MAPK8: variants seen among roughly 807,000 people sequenced by gnomAD.
MAPK8 encodes mitogen-activated protein kinase 8.
MAPK8 carries 13 observed loss-of-function variants against 52.9 expected under a neutral mutation model. That is an observed-to-expected ratio of 0.25 (90% confidence interval 0.16 to 0.39). The LOEUF (loss-of-function observed/expected upper bound fraction) is 0.39, where lower values mean the gene tolerates loss of function less well. Ranked by LOEUF, MAPK8 falls within the 10% of genes least tolerant of loss-of-function variation. The pLI, the probability that MAPK8 is intolerant of heterozygous loss-of-function variation, is 1.00. For missense variants in MAPK8, 300 were observed against 519.2 expected, an observed-to-expected ratio of 0.58 and a Z score of 4.10; for synonymous variants, 191 against 169.8, an observed-to-expected ratio of 1.12 and a Z score of -0.97.
intron 1 of MAPK8, among the ~76,000 whole-genome samples, chr10:48,335,705 A>G (rs1395614383): frequency 6.6e-6 from 1 of 152,170 alleles, no homozygotes. Flanking sequence ...ATGTCTCACA[A>G]GTGCTTTTCC....
At chr10:48,338,435 TAGTA>T (rs1017989381) in intron 1 of MAPK8, among the ~76,000 whole-genome samples, 1 of 152,100 alleles carries the variant, frequency 6.6e-6, no homozygotes, top group African/African-American at 2.4e-5. Context: ...TACCTCAAAA[TAGTA>T]AGAGTCATTT....
At chr10:48,363,404 A>G (rs990897564) in intron 1 of MAPK8, among the ~76,000 whole-genome samples, 2 of 152,036 alleles carry the variant, frequency 1.3e-5, no homozygotes, top group Non-Finnish European at 2.9e-5. Flanking sequence ...TATTTTCTGT[A>G]ATGTGTTTTA....
At chr10:48,375,250 A>G (rs1417508697) in intron 1 of MAPK8, among the ~76,000 whole-genome samples, 1 of 152,202 alleles carries the variant, frequency 6.6e-6, no homozygotes, top group Non-Finnish European at 1.5e-5. Context: ...CAAAATAATA[A>G]GAGCTATTTA....
chr10:48,314,547 A>T (rs1044420594), intron 1 of MAPK8, among the ~76,000 whole-genome samples: 2 of 152,162 alleles, frequency 1.3e-5, no homozygotes, highest in Non-Finnish European at 2.9e-5. Flanking sequence ...AATGCATAGG[A>T]TAAATTTCCA....
chr10:48,378,741 A>G (rs1285359953), intron 1 of MAPK8, among the ~76,000 whole-genome samples: 1 of 151,660 alleles, frequency 6.6e-6, no homozygotes, highest in Admixed American at 6.6e-5. Flanking sequence ...ACATAATTAT[A>G]TATATATAAA....
chr10:48,412,702 C>CT (rs1376167910), intron 5 of MAPK8, among the ~76,000 whole-genome samples: 1 of 152,182 alleles, frequency 6.6e-6, no homozygotes, highest in Non-Finnish European at 1.5e-5. Flanking sequence ...CTTCAAAATC[C>CT]TTTGCTAGTT....
chr10:48,427,198 A>C, intron 10 of MAPK8, 55 bp downstream of exon 10: 1 of 1,289,750 alleles, frequency 7.8e-7, no homozygotes, highest in Non-Finnish European at 1.1e-6. Flanking sequence ...TGGTTTTTAT[A>C]TGGTGATTTA....
chr10:48,377,122 A>G (rs910871073), intron 1 of MAPK8, among the ~76,000 whole-genome samples: 9 of 152,140 alleles, frequency 5.9e-5, no homozygotes, highest in African/African-American at 1.9e-4. Flanking sequence ...AAGAACAGAA[A>G]ACCAAACACC....
At chr10:48,394,520 G>A (rs1410061806) in intron 1 of MAPK8, among the ~76,000 whole-genome samples, 2 of 151,876 alleles carry the variant, frequency 1.3e-5, no homozygotes, top group Non-Finnish European at 2.9e-5. Flanking sequence ...ATTCAGAAAA[G>A]TCATTTAACA....
intron 1 of MAPK8, among the ~76,000 whole-genome samples, chr10:48,335,942 G>C (rs768340385): frequency 3.9e-5 from 6 of 152,136 alleles, no homozygotes; most frequent in Non-Finnish European, 7.4e-5. Context: ...CCATTTATAA[G>C]TTTGAAACAT....
intron 1 of MAPK8, among the ~76,000 whole-genome samples, chr10:48,362,202 T>C (rs1425945929): frequency 6.6e-6 from 1 of 152,192 alleles, no homozygotes; most frequent in Non-Finnish European, 1.5e-5. Context: ...TTCCTCTCAC[T>C]ATTCATTCCC....
intron 1 of MAPK8, among the ~76,000 whole-genome samples, chr10:48,325,025 G>A (rs1217147890): frequency 1.3e-5 from 2 of 151,764 alleles, no homozygotes; most frequent in Non-Finnish European, 2.9e-5. Flanking sequence ...ACCCAGGCTG[G>A]AGTGCAGTGG....
chr10:48,407,119 G>T (rs1468231382), intron 3 of MAPK8, among the ~76,000 whole-genome samples: 1 of 152,176 alleles, frequency 6.6e-6, no homozygotes, highest in Admixed American at 6.5e-5. Flanking sequence ...ACTAGTGATT[G>T]CTGTGATTGC....
chr10:48,314,968 T>C (rs1842354586), intron 1 of MAPK8, among the ~76,000 whole-genome samples: 1 of 152,222 alleles, frequency 6.6e-6, no homozygotes, highest in Non-Finnish European at 1.5e-5. Context: ...CTTAACTGAT[T>C]TAAAATGCCA....
At position 48,437,069 on chromosome 10, in the gene MAPK8, G is replaced by A. The variant is rs529277068; in HGVS notation, c.*2040G>A. 2 of 152,232 alleles carry A rather than the reference G, an allele frequency of 1.3e-5. No homozygotes were observed. The highest frequency in any genetic ancestry group is 3.9e-4 in the East Asian group (2 of 5,190). 9.4% of individuals were successfully genotyped at this position (152,232 alleles called of 1,614,324 possible). A position where few individuals can be genotyped will look rare whatever the true frequency, so the allele number is the denominator to read the frequency against. On this transcript the variant is annotated 3_prime_UTR_variant, in exon 12 of 12. Transcript: ENST00000374189. ...AGCCATCTCTATTGATACAGATTTT[G>A]GTTAAGTAAGGAAAACCAGGTGTGT...
intron 10 of MAPK8, among the ~76,000 whole-genome samples, chr10:48,429,109 C>T (rs2133283282): frequency 6.6e-6 from 1 of 151,888 alleles, no homozygotes. Flanking sequence ...AGTCTTAAGC[C>T]ACTGCGCCCA....
chr10:48,336,200 AG>A (rs1310204951), intron 1 of MAPK8, among the ~76,000 whole-genome samples: 2 of 152,186 alleles, frequency 1.3e-5, no homozygotes, highest in East Asian at 3.8e-4. Flanking sequence ...CAGTATGTGG[AG>A]TGAAAGATGG....
chr10:48,330,033 T>C (rs1027516323), intron 1 of MAPK8, among the ~76,000 whole-genome samples: 3 of 152,200 alleles, frequency 2.0e-5, no homozygotes, highest in Non-Finnish European at 4.4e-5. Flanking sequence ...TGTACTTCTT[T>C]TTATGTATTT....
At chr10:48,334,106 G>C (rs1844428330) in intron 1 of MAPK8, among the ~76,000 whole-genome samples, 1 of 152,208 alleles carries the variant, frequency 6.6e-6, no homozygotes, top group Non-Finnish European at 1.5e-5. Context: ...ATAGATGTCA[G>C]AGCTGCAGGA....
Sources: allele counts gnomAD v4.1 joint callset (sites outside exome capture counted in the v4.1 genomes callset), GRCh38; gene constraint gnomAD v4.1.1; transcripts MANE v1.5; gene names NCBI Gene and HGNC (gene_info 2026-07-23, HGNC 2026-07-21).